The following CSMD1 variants were observed in gnomAD, a reference collection of about 807,000 sequenced individuals.
CSMD1 encodes CUB and sushi domain-containing protein 1.
In CSMD1, 213 loss-of-function variants were observed where a neutral mutation model predicts 417.5. The ratio of observed to expected loss-of-function variants is 0.51; its 90% CI spans 0.46 to 0.57. The LOEUF is 0.57. CSMD1 is among the 20% of genes least tolerant of loss of function. The probability of loss-of-function intolerance (pLI) is 0.00; values close to 1 mark genes in which losing one functional copy is unlikely to be tolerated. For synonymous variants in CSMD1, 2,862 were observed against 1,736.8 expected (o/e 1.65, Z -16.11); for missense variants, 6,923 against 4,529.7 (o/e 1.53, Z -15.17).
chr8:2,963,336 G>T lies in CSMD1; in HGVS notation c.9340C>A (p.Arg3114Ser), dbSNP rs746788756. 8 of 1,613,938 alleles carry T rather than the reference G, an allele frequency of 5.0e-6. No homozygotes were observed. Among genetic ancestry groups the T allele is most frequent in the Non-Finnish European group, 5.1e-6 (6 of 1,179,868 alleles). The change falls in exon 60 of 70, where the codon CGC becomes AGC. Residue 3114 changes from arginine to serine, a missense_variant. Arg to Ser is a moderately radical substitution (Grantham distance 110, BLOSUM62 -1). Coordinates refer to ENST00000635120, the MANE Select transcript of CSMD1 (RefSeq NM_033225.6). Reference sequence around the variant, plus strand: ...CTGTAACTTATGCTGGAGCCCCAGCGGAAATCACTTCCCTCCACTGTTCCA... The same window carrying T: ...CTGTAACTTATGCTGGAGCCCCAGCTGAAATCACTTCCCTCCACTGTTCCA... Reference protein sequence around the residue: ...QNGTVEGSDFRWGSSISYSCM... With the variant: ...QNGTVEGSDFSWGSSISYSCM...
intron 25 of CSMD1, among the ~76,000 whole-genome samples, chr8:3,307,493 T>C (rs527491574): frequency 2.6e-5 from 4 of 152,206 alleles, no homozygotes; most frequent in Non-Finnish European, 5.9e-5. Flanking sequence ...ATTTTGGCTT[T>C]ACTATATAGA....
intron 2 of CSMD1, among the ~76,000 whole-genome samples, chr8:4,602,159 A>C (rs1341890119): frequency 1.3e-5 from 2 of 152,138 alleles, no homozygotes; most frequent in Non-Finnish European, 2.9e-5. Flanking sequence ...GAACTGGCTT[A>C]ATGTAAAAAA....
intron 18 of CSMD1, among the ~76,000 whole-genome samples, chr8:3,381,209 CT>C: frequency 6.6e-6 from 1 of 152,016 alleles, no homozygotes; most frequent in Admixed American, 6.6e-5. Context: ...ACTAAAATGA[CT>C]GCAAGTAAAA....
chr8:3,339,976 C>T (rs1563288525), intron 23 of CSMD1, among the ~76,000 whole-genome samples: 1 of 152,192 alleles, frequency 6.6e-6, no homozygotes. Context: ...ATTCAGAAAA[C>T]AGTACTTGCT....
chr8:3,779,251 G>C (rs1014353236), intron 5 of CSMD1, among the ~76,000 whole-genome samples: 16 of 151,860 alleles, frequency 1.1e-4, no homozygotes, highest in South Asian at 4.2e-4. Flanking sequence ...GTGAGGACTA[G>C]CAAGGGTATT....
At chr8:4,622,104 T>A (rs910285948) in intron 2 of CSMD1, among the ~76,000 whole-genome samples, 3 of 149,318 alleles carry the variant, frequency 2.0e-5, no homozygotes, top group African/African-American at 5.0e-5. Context: ...AAATCTCTCA[T>A]CAGGGAAATT....
At chr8:3,197,684 T>C (rs1796779523) in intron 33 of CSMD1, among the ~76,000 whole-genome samples, 1 of 152,094 alleles carries the variant, frequency 6.6e-6, no homozygotes, top group Non-Finnish European at 1.5e-5. Flanking sequence ...CAGGATGGTC[T>C]CGATCTCCTG....
chr8:4,072,880 A>G (rs1198173852), intron 3 of CSMD1, among the ~76,000 whole-genome samples: 1 of 152,172 alleles, frequency 6.6e-6, no homozygotes, highest in Non-Finnish European at 1.5e-5. Context: ...CCCAACCTCT[A>G]TGTACAGTGG....
chr8:3,394,181 G>C (rs1042707519), intron 17 of CSMD1, among the ~76,000 whole-genome samples: 5 of 145,498 alleles, frequency 3.4e-5, no homozygotes, highest in South Asian at 4.3e-4. Flanking sequence ...CCAAAACATA[G>C]GGTAGTCATT....
chr8:4,856,458 G>C (rs573048055), intron 1 of CSMD1, among the ~76,000 whole-genome samples: 1 of 140,698 alleles, frequency 7.1e-6, no homozygotes, highest in East Asian at 2.1e-4. Flanking sequence ...CCAATTAAAA[G>C]ACACAGACTG....
chr8:4,819,103 T>C (rs1799373606), intron 1 of CSMD1, among the ~76,000 whole-genome samples: 2 of 152,222 alleles, frequency 1.3e-5, no homozygotes, highest in South Asian at 2.1e-4. Flanking sequence ...CTTGCTGCTA[T>C]TCTATCGAAA....
intron 3 of CSMD1, among the ~76,000 whole-genome samples, chr8:4,034,827 G>A (rs193080089): frequency 1.3e-5 from 2 of 152,114 alleles, no homozygotes; most frequent in African/African-American, 2.4e-5. Context: ...TTTTCCAACA[G>A]AAGGTGTCCA....
At chr8:3,236,262 T>C (rs1799148421) in intron 26 of CSMD1, among the ~76,000 whole-genome samples, 3 of 152,234 alleles carry the variant, frequency 2.0e-5, no homozygotes, top group African/African-American at 7.2e-5. Context: ...CATTTAGAGC[T>C]AATGTATATA....
chr8:4,533,524 C>G (rs931973095), intron 2 of CSMD1, among the ~76,000 whole-genome samples: 1 of 152,094 alleles, frequency 6.6e-6, no homozygotes, highest in African/African-American at 2.4e-5. Flanking sequence ...ATAGTACAGA[C>G]CTTTTGGGAA....
At chr8:4,256,312 T>G (rs924138917) in intron 3 of CSMD1, among the ~76,000 whole-genome samples, 4 of 152,192 alleles carry the variant, frequency 2.6e-5, no homozygotes, top group East Asian at 1.9e-4. Flanking sequence ...TACAACAATT[T>G]TGCAGAAAGA....
intron 8 of CSMD1, among the ~76,000 whole-genome samples, chr8:3,614,203 G>A (rs1287169428): frequency 2.0e-5 from 3 of 152,018 alleles, no homozygotes; most frequent in African/African-American, 7.2e-5. Flanking sequence ...CAAACATAGA[G>A]ACATATAAAC....
intron 3 of CSMD1, among the ~76,000 whole-genome samples, chr8:4,322,688 G>C (rs1051737306): frequency 6.6e-6 from 1 of 152,148 alleles, no homozygotes; most frequent in Non-Finnish European, 1.5e-5. Context: ...TCAAAGAGAT[G>C]GTGACAAGGT....
rs1159507543 is a variant in CSMD1, at chr8:4,312,396, T to TATATATATAC, written c.415+107556_415+107557insGTATATATAT. The stretch of plus-strand genomic sequence containing the variant: ...GAACAAATATATATATATATATACA[T>TATATATATAC]ACATATATATGCGTGTATATATATG... On this transcript the variant is annotated intron_variant, in intron 3 of 69. Transcript: ENST00000635120. 3.4e-4 allele frequency among the ~76,000 whole-genome samples: 34 copies of TATATATATAC among 99,048 alleles called. 2 individuals carry two copies. The highest frequency in any genetic ancestry group is 2.4e-3 in the African/African-American group (31 of 12,848). The allele number at this position is 99,048 out of a possible 152,430, so 65.0% of individuals were successfully genotyped here.
intron 1 of CSMD1, among the ~76,000 whole-genome samples, chr8:4,968,187 T>C (rs192445154): frequency 1.3e-5 from 2 of 152,312 alleles, no homozygotes; most frequent in Admixed American, 1.3e-4. Context: ...TTTTTCCAGA[T>C]AATTAGATTT....
Sources: gnomAD v4.1 joint callset for allele counts (sites outside exome capture counted in the v4.1 genomes callset) on GRCh38, gnomAD v4.1.1 for gene constraint, MANE v1.5 for transcripts, NCBI Gene and HGNC (gene_info 2026-07-23, HGNC 2026-07-21) for gene names.